PTPRD: variants seen among roughly 807,000 people sequenced by gnomAD.
PTPRD encodes protein tyrosine phosphatase receptor type D.
In PTPRD, 34 loss-of-function variants were observed where a neutral mutation model predicts 214.5. The observed-to-expected ratio is 0.16, with a 90% CI of 0.12 to 0.21. PTPRD has a LOEUF of 0.21. Ranked by LOEUF, PTPRD falls within the 10% of genes least tolerant of loss-of-function variation. The pLI is 1.00. For missense variants in PTPRD, 2,545 were observed against 2,398.7 expected, an observed-to-expected ratio of 1.06 and a Z score of -1.27; for synonymous variants, 1,128 against 845.7, an observed-to-expected ratio of 1.33 and a Z score of -5.79.
intron 5 of PTPRD, among the ~76,000 whole-genome samples, chr9:9,904,135 C>G (rs2077022880): frequency 6.6e-6 from 1 of 152,076 alleles, no homozygotes; most frequent in South Asian, 2.1e-4. Context: ...CAAAGAATCT[C>G]TCTGTGTCAG....
intron 9 of PTPRD, among the ~76,000 whole-genome samples, chr9:9,293,715 T>C (rs1329995804): frequency 6.6e-6 from 1 of 151,740 alleles, no homozygotes; most frequent in Non-Finnish European, 1.5e-5. Context: ...ACTCGACTGC[T>C]GGCAATCAGA....
At chr9:9,683,619 T>C (rs148598351) in intron 7 of PTPRD, among the ~76,000 whole-genome samples, 1 of 151,800 alleles carries the variant, frequency 6.6e-6, no homozygotes, top group East Asian at 1.9e-4. Context: ...AAACACAGAA[T>C]GTCAACTCTG....
At chr9:10,550,993 A>G (rs961436149) in intron 2 of PTPRD, among the ~76,000 whole-genome samples, 3 of 152,194 alleles carry the variant, frequency 2.0e-5, no homozygotes, top group Admixed American at 2.0e-4. Flanking sequence ...AACCAAAACC[A>G]GGTCTCCCTT....
intron 11 of PTPRD, among the ~76,000 whole-genome samples, chr9:8,748,673 C>G (rs2093167076): frequency 6.6e-6 from 1 of 151,958 alleles, no homozygotes; most frequent in Admixed American, 6.6e-5. Flanking sequence ...ACATTTTGAA[C>G]AGCCAAGGCA....
At chr9:9,174,172 G>A (rs1021227996) in intron 10 of PTPRD, among the ~76,000 whole-genome samples, 26 of 151,922 alleles carry the variant, frequency 1.7e-4, no homozygotes, top group Non-Finnish European at 2.9e-4. Context: ...AAAAAAAATC[G>A]TTATATAGAA....
Position 9,085,487 on chromosome 9 carries a change from C to T in PTPRD, c.-142-66752G>A, listed in dbSNP as rs150404619. On this transcript the variant is annotated intron_variant, in intron 10 of 45. Transcript: ENST00000381196. ...TTGACCCTTAGGGTGAAAATAACAG[C>T]GCCTTATTATTTTTCAGGAAGAATA... Among the ~76,000 whole-genome samples the T allele has an allele frequency of 1.3e-4, 20 of 152,146 alleles. 1 individual carries two copies. In the South Asian group the frequency reaches 1.5e-3, roughly 11 times the overall value.
chr9:10,302,009 G>T (rs760456350), intron 3 of PTPRD, among the ~76,000 whole-genome samples: 28 of 152,142 alleles, frequency 1.8e-4, no homozygotes, highest in Non-Finnish European at 3.8e-4. Flanking sequence ...AAATGTTAAG[G>T]GCAGCCAGAG....
intron 33 of PTPRD, among the ~76,000 whole-genome samples, chr9:8,457,776 G>A (rs2096259104): frequency 1.3e-5 from 2 of 152,126 alleles, no homozygotes; most frequent in South Asian, 4.2e-4. Flanking sequence ...CATATGGGAA[G>A]TAAAATATTC....
chr9:9,733,014 G>C (rs2098226283), intron 7 of PTPRD, among the ~76,000 whole-genome samples: 1 of 152,000 alleles, frequency 6.6e-6, no homozygotes, highest in Admixed American at 6.6e-5. Context: ...ATAGGTATTT[G>C]TTTGGTAGAA....
At chr9:8,835,211 A>T (rs1030790611) in intron 11 of PTPRD, among the ~76,000 whole-genome samples, 3 of 152,254 alleles carry the variant, frequency 2.0e-5, no homozygotes, top group Non-Finnish European at 4.4e-5. Flanking sequence ...TATGGGTACC[A>T]GCTATAGTCA....
intron 11 of PTPRD, among the ~76,000 whole-genome samples, chr9:8,943,365 C>T (rs1261885593): frequency 1.3e-5 from 2 of 151,932 alleles, no homozygotes; most frequent in African/African-American, 2.4e-5. Context: ...AATAACCTGA[C>T]TTCAAATTAT....
intron 8 of PTPRD, among the ~76,000 whole-genome samples, chr9:9,552,439 T>C (rs926260943): frequency 2.6e-5 from 4 of 152,078 alleles, no homozygotes; most frequent in African/African-American, 9.7e-5. Context: ...TTCAATCAAA[T>C]CTTGAAAAGT....
chr9:8,331,531 A>ATGAAGAAACACCACCACTTATCACTG, intron 44 of PTPRD, 51 bp downstream of exon 44: 1 of 1,551,890 alleles, frequency 6.4e-7, no homozygotes, highest in Non-Finnish European at 8.7e-7. Flanking sequence ...TATACAGACA[A>ATGAAGAAACACCACCACTTATCACTG]TGAAGAAACA....
intron 3 of PTPRD, among the ~76,000 whole-genome samples, chr9:10,201,418 A>G (rs939395168): frequency 1.3e-5 from 2 of 152,124 alleles, no homozygotes; most frequent in African/African-American, 2.4e-5. Flanking sequence ...GCAAATGTTT[A>G]AAGCATAGAT....
chr9:9,413,877 G>C (rs990931834), intron 8 of PTPRD, among the ~76,000 whole-genome samples: 2 of 152,194 alleles, frequency 1.3e-5, no homozygotes, highest in African/African-American at 2.4e-5. Context: ...TTCACAGTGA[G>C]TTTGCCCTTT....
intron 2 of PTPRD, among the ~76,000 whole-genome samples, chr9:10,472,963 T>G (rs2099040724): frequency 6.6e-6 from 1 of 152,066 alleles, no homozygotes; most frequent in African/African-American, 2.4e-5. Flanking sequence ...ATTGTTTACT[T>G]AATACATTAA....
intron 7 of PTPRD, among the ~76,000 whole-genome samples, chr9:9,580,558 T>G (rs937393697): frequency 6.8e-6 from 1 of 146,272 alleles, no homozygotes; most frequent in African/African-American, 2.5e-5. Context: ...TTTTTTTTTT[T>G]TTTTTTTTGA....
chr9:9,939,389 C>T (rs1400940865), intron 4 of PTPRD, among the ~76,000 whole-genome samples: 2 of 152,136 alleles, frequency 1.3e-5, no homozygotes, highest in Admixed American at 1.3e-4. Flanking sequence ...CTGTAGCAGT[C>T]TTCTTGTGGC....
chr9:10,003,869 A>G (rs371109825), intron 4 of PTPRD, among the ~76,000 whole-genome samples: 2 of 151,812 alleles, frequency 1.3e-5, no homozygotes, highest in African/African-American at 4.8e-5. Flanking sequence ...CAAATTTTAA[A>G]AAGCCGACAT....
Sources: gnomAD v4.1 joint callset for allele counts (sites outside exome capture counted in the v4.1 genomes callset) on GRCh38, gnomAD v4.1.1 for gene constraint, MANE v1.5 for transcripts, NCBI Gene and HGNC (gene_info 2026-07-23, HGNC 2026-07-21) for gene names.